The following CCDC178 variants were observed in gnomAD, a reference collection of about 807,000 sequenced individuals.
CCDC178 encodes coiled-coil domain-containing protein 178.
A neutral mutation model predicts 117.4 loss-of-function variants in CCDC178; 126 were observed. That is an observed-to-expected ratio of 1.07 (90% CI 0.93 to 1.24). CCDC178 has a LOEUF of 1.24. CCDC178 is among the 50% of genes most tolerant of loss of function. CCDC178 has a pLI of 0.00. For synonymous variants in CCDC178, 283 were observed against 313.4 expected, an observed-to-expected ratio of 0.90 and a Z score of 1.02; for missense variants, 1,030 against 986.9, an observed-to-expected ratio of 1.04 and a Z score of -0.59.
intron 20 of CCDC178, among the ~76,000 whole-genome samples, chr18:33,128,894 C>T (rs2058039067): frequency 6.6e-6 from 1 of 152,140 alleles, no homozygotes; most frequent in East Asian, 1.9e-4. Flanking sequence ...TGCCTCTTTA[C>T]ATTAGCTAAA....
intron 14 of CCDC178, among the ~76,000 whole-genome samples, chr18:33,248,846 T>A (rs1013306143): frequency 2.6e-5 from 4 of 152,030 alleles, no homozygotes; most frequent in Admixed American, 6.6e-5. Flanking sequence ...CGCCACACTG[T>A]CTTCCACAAT....
chr18:33,251,146 A>C (rs1052977315), intron 14 of CCDC178, among the ~76,000 whole-genome samples: 1 of 151,830 alleles, frequency 6.6e-6, no homozygotes, highest in Non-Finnish European at 1.5e-5. Flanking sequence ...AAAAATAGAA[A>C]GAGATGAGTT....
chr18:33,208,306 C>T (rs2059069425), intron 20 of CCDC178, among the ~76,000 whole-genome samples: 1 of 152,052 alleles, frequency 6.6e-6, no homozygotes, highest in Admixed American at 6.6e-5. Flanking sequence ...GTCAGCTCCC[C>T]TAAATGTTTC....
chr18:33,321,915 A>G (rs942062108), intron 11 of CCDC178, among the ~76,000 whole-genome samples: 18 of 152,078 alleles, frequency 1.2e-4, no homozygotes, highest in African/African-American at 3.6e-4. Flanking sequence ...TATCTAAAAT[A>G]TAAAAACTTT....
chr18:33,432,074 T>A (rs1225768708), intron 2 of CCDC178, among the ~76,000 whole-genome samples: 1 of 152,192 alleles, frequency 6.6e-6, no homozygotes, highest in East Asian at 1.9e-4. Context: ...GCACTCAGCT[T>A]CTTATGGGCC....
chr18:33,311,731 C>T (rs956293800), intron 11 of CCDC178, among the ~76,000 whole-genome samples: 4 of 152,200 alleles, frequency 2.6e-5, no homozygotes, highest in Non-Finnish European at 1.5e-5. Flanking sequence ...AAAAGATTGA[C>T]AGGGCCTGGG....
intron 4 of CCDC178, among the ~76,000 whole-genome samples, chr18:33,395,489 A>G (rs2063623054): frequency 6.6e-6 from 1 of 152,026 alleles, no homozygotes; most frequent in Non-Finnish European, 1.5e-5. Flanking sequence ...ATTTTCTCTG[A>G]GTATACACTA....
chr18:33,200,579 T>G (rs528986374), intron 20 of CCDC178, among the ~76,000 whole-genome samples: 225 of 152,288 alleles, frequency 1.5e-3, no homozygotes, highest in Non-Finnish European at 2.6e-3. Flanking sequence ...CAACTGCAGT[T>G]CCCTAAATGC....
intron 20 of CCDC178, among the ~76,000 whole-genome samples, chr18:33,209,989 A>G (rs1335021107): frequency 6.6e-6 from 1 of 152,008 alleles, no homozygotes; most frequent in Non-Finnish European, 1.5e-5. Context: ...ACCCAGGATG[A>G]GTTTGGTAAA....
At chr18:33,209,615 C>T (rs773136425) in intron 20 of CCDC178, among the ~76,000 whole-genome samples, 2 of 152,062 alleles carry the variant, frequency 1.3e-5, no homozygotes, top group African/African-American at 4.8e-5. Context: ...GAAATCACAT[C>T]GTCTTTTCAC....
intron 21 of CCDC178, among the ~76,000 whole-genome samples, chr18:33,044,621 T>C (rs755275976): frequency 4.6e-5 from 7 of 152,092 alleles, no homozygotes; most frequent in Non-Finnish European, 1.0e-4. Context: ...GTATAGAGAT[T>C]TCTCAAAGAA....
chr18:33,246,720 T>C (rs1262754531), intron 14 of CCDC178, among the ~76,000 whole-genome samples: 5 of 151,788 alleles, frequency 3.3e-5, no homozygotes, highest in Admixed American at 3.3e-4. Flanking sequence ...CACTGACTCA[T>C]GACAGGGCTT....
At chr18:33,119,096 C>T (rs1425726473) in intron 20 of CCDC178, among the ~76,000 whole-genome samples, 1 of 152,130 alleles carries the variant, frequency 6.6e-6, no homozygotes, top group East Asian at 1.9e-4. Flanking sequence ...TAGAAGAAAA[C>T]CTAGGCAACA....
intron 11 of CCDC178, among the ~76,000 whole-genome samples, chr18:33,303,203 G>A (rs1599131277): frequency 1.3e-5 from 2 of 152,130 alleles, no homozygotes; most frequent in East Asian, 1.9e-4. Flanking sequence ...AAGGAGAAAT[G>A]TAATGCATTT....
intron 20 of CCDC178, among the ~76,000 whole-genome samples, chr18:33,184,290 T>A (rs2058764755): frequency 6.6e-6 from 1 of 152,002 alleles, no homozygotes; most frequent in Non-Finnish European, 1.5e-5. Context: ...TACTTCGGAA[T>A]GCCATTGTCA....
At chr18:33,299,763 C>A (rs1483151522) in intron 11 of CCDC178, among the ~76,000 whole-genome samples, 3 of 124,714 alleles carry the variant, frequency 2.4e-5, no homozygotes, top group African/African-American at 2.9e-5. Context: ...GGATTTCAAA[C>A]ATCTCAACAG....
At chr18:33,215,817 T>G in intron 18 of CCDC178, 122 bp from the exon 19 acceptor site, 1 of 670,080 alleles carries the variant, frequency 1.5e-6, no homozygotes, top group Non-Finnish European at 2.3e-6. Flanking sequence ...CCACACCTGA[T>G]GGCTCACTCC....
chr18:33,087,776 G>A (rs1353552037), intron 21 of CCDC178, among the ~76,000 whole-genome samples: 1 of 152,128 alleles, frequency 6.6e-6, no homozygotes, highest in African/African-American at 2.4e-5. Context: ...GTTATATGGT[G>A]TGCAGGACAA....
At chr18:33,210,077 G>C (rs895775250) in intron 20 of CCDC178, among the ~76,000 whole-genome samples, 3 of 151,990 alleles carry the variant, frequency 2.0e-5, no homozygotes, top group African/African-American at 7.2e-5. Flanking sequence ...GCAGCATGTG[G>C]ACAGCAAAAT....
Sources: allele counts gnomAD v4.1 joint callset (sites outside exome capture counted in the v4.1 genomes callset), GRCh38; gene constraint gnomAD v4.1.1; transcripts MANE v1.5; gene names NCBI Gene and HGNC (gene_info 2026-07-23, HGNC 2026-07-21).